PCDH7: variants seen among roughly 807,000 people sequenced by gnomAD.
PCDH7 encodes the protein protocadherin 7, also known as protocadherin-7.
In PCDH7, 17 loss-of-function variants were observed where a neutral mutation model predicts 58.9. The observed-to-expected ratio is 0.29, with a 90% CI of 0.20 to 0.43. The LOEUF (loss-of-function observed/expected upper bound fraction) is 0.43, where lower values mean the gene tolerates loss of function less well. PCDH7 is among the 20% of genes least tolerant of loss of function. The probability of loss-of-function intolerance (pLI) is 1.00; values close to 1 mark genes in which losing one functional copy is unlikely to be tolerated. For synonymous variants in PCDH7, 664 were observed against 616.4 expected (o/e 1.08, Z -1.14); for missense variants, 1,274 against 1,441.0 (o/e 0.88, Z 1.88).
intron 1 of PCDH7, among the ~76,000 whole-genome samples, chr4:30,768,482 G>A (rs1255925190): frequency 6.6e-6 from 1 of 152,176 alleles, no homozygotes; most frequent in Non-Finnish European, 1.5e-5. Context: ...ATTTGCAAAG[G>A]AGATATGAAC....
intron 3 of PCDH7, among the ~76,000 whole-genome samples, chr4:31,094,012 C>G (rs945426759): frequency 5.9e-5 from 9 of 152,102 alleles, no homozygotes; most frequent in African/African-American, 2.2e-4. Flanking sequence ...GCATTCAAGG[C>G]TCTATCACTG....
At position 30,964,222 on chromosome 4, in the gene PCDH7, TTTTA is replaced by T. The variant is rs971800057; in HGVS notation, c.*7+14035_*7+14038del. Among the ~76,000 whole-genome samples the T allele has an allele frequency of 9.6e-5, 13 of 134,808 alleles. No homozygotes were observed. In the Admixed American group the frequency reaches 1.0e-3, roughly 11 times the overall value. 88.4% of individuals were successfully genotyped at this position (134,808 alleles called of 152,430 possible). A position where few individuals can be genotyped will look rare whatever the true frequency, so the allele number is the denominator to read the frequency against. On this transcript the variant is annotated intron_variant, in intron 3 of 3. Coordinates refer to the PCDH7 transcript ENST00000509759. Reference sequence around the variant, plus strand: ...TATTAAGCTTCCTCAGCAGTAGTAGTTTTATTTATTTATTTATTTATTTATTTAT... The same window carrying T: ...TATTAAGCTTCCTCAGCAGTAGTAGTTTTATTTATTTATTTATTTATTTAT...
chr4:30,747,960 C>T (rs1291815998), intron 1 of PCDH7, among the ~76,000 whole-genome samples: 1 of 152,144 alleles, frequency 6.6e-6, no homozygotes, highest in Non-Finnish European at 1.5e-5. Context: ...ATTACTTGCA[C>T]TGTATCTTGC....
At chr4:31,094,621 G>A (rs2109289930) in intron 3 of PCDH7, among the ~76,000 whole-genome samples, 1 of 152,254 alleles carries the variant, frequency 6.6e-6, no homozygotes, top group South Asian at 2.1e-4. Context: ...GGGACTGGGA[G>A]CAGTTTCATA....
intron 1 of PCDH7, among the ~76,000 whole-genome samples, chr4:30,884,104 A>C (rs1183520059): frequency 6.6e-6 from 1 of 152,152 alleles, no homozygotes; most frequent in Non-Finnish European, 1.5e-5. Context: ...TTCAGAACAA[A>C]TTCTAAATAC....
chr4:30,976,485 C>T (rs1318924961), intron 3 of PCDH7, among the ~76,000 whole-genome samples: 1 of 151,462 alleles, frequency 6.6e-6, no homozygotes, highest in Admixed American at 6.6e-5. Context: ...ACTGAAACCC[C>T]TGCCTCTGGG....
intron 3 of PCDH7, among the ~76,000 whole-genome samples, chr4:30,985,446 A>G (rs904286720): frequency 6.6e-6 from 1 of 152,184 alleles, no homozygotes; most frequent in African/African-American, 2.4e-5. Context: ...GAGATACTTT[A>G]ACATCTAGTA....
chr4:31,141,338 A>T (rs1720228309), intron 3 of PCDH7, among the ~76,000 whole-genome samples: 1 of 152,320 alleles, frequency 6.6e-6, no homozygotes, highest in South Asian at 2.1e-4. Context: ...ATAAAATGAT[A>T]CCATGTGATA....
At chr4:31,082,189 T>C (rs1054166327) in intron 3 of PCDH7, among the ~76,000 whole-genome samples, 4 of 152,188 alleles carry the variant, frequency 2.6e-5, no homozygotes, top group African/African-American at 9.6e-5. Flanking sequence ...GCCTAGACTA[T>C]AGATACAAGT....
At chr4:30,777,993 A>T (rs959240786) in intron 1 of PCDH7, among the ~76,000 whole-genome samples, 6 of 152,162 alleles carry the variant, frequency 3.9e-5, no homozygotes, top group African/African-American at 1.2e-4. Context: ...TTTGAGCCAT[A>T]ATATGATCTA....
In PCDH7 at chr4:30,995,103, A is replaced by G. The variant is rs189841981; in HGVS notation, c.*7+44888A>G. On this transcript the variant is annotated intron_variant, in intron 3 of 3. Coordinates refer to the PCDH7 transcript ENST00000509759. ...ATTAATATCATTTTAAATTTTTTAA[A>G]CATGGCTTAAAGGGCATTTTAAATT... is the stretch of plus-strand genomic sequence containing the variant. 3.3e-5 allele frequency among the ~76,000 whole-genome samples: 5 copies of G among 152,366 alleles called. No homozygotes were observed. The East Asian group carries it at 9.6e-4, about 29-fold the overall frequency.
intron 3 of PCDH7, among the ~76,000 whole-genome samples, chr4:30,975,405 G>A (rs1578464889): frequency 1.3e-5 from 2 of 151,882 alleles, no homozygotes; most frequent in East Asian, 3.9e-4. Flanking sequence ...TATAATACAG[G>A]CCCTTCCTTC....
At chr4:31,081,747 C>G (rs2109269836) in intron 3 of PCDH7, among the ~76,000 whole-genome samples, 1 of 151,356 alleles carries the variant, frequency 6.6e-6, no homozygotes, top group East Asian at 1.9e-4. Flanking sequence ...ATAATACAAA[C>G]TTCTTTAAAG....
chr4:30,912,104 G>A (rs73812674), intron 1 of PCDH7, among the ~76,000 whole-genome samples: 2 of 152,116 alleles, frequency 1.3e-5, no homozygotes, highest in Admixed American at 6.6e-5. Flanking sequence ...GTCTCAACAT[G>A]TTTCTTGTTA....
chr4:30,871,132 G>T (rs1306755757), intron 1 of PCDH7, among the ~76,000 whole-genome samples: 2 of 152,032 alleles, frequency 1.3e-5, no homozygotes, highest in Non-Finnish European at 2.9e-5. Context: ...GACACCTACA[G>T]GGACTTCAAG....
At chr4:30,907,344 TG>T (rs1485525437) in intron 1 of PCDH7, among the ~76,000 whole-genome samples, 1 of 152,138 alleles carries the variant, frequency 6.6e-6, no homozygotes, top group African/African-American at 2.4e-5. Context: ...AGAAAATTTT[TG>T]CAATCTACCC....
intron 3 of PCDH7, among the ~76,000 whole-genome samples, chr4:31,048,312 T>C (rs1242195874): frequency 6.6e-6 from 1 of 152,110 alleles, no homozygotes; most frequent in Non-Finnish European, 1.5e-5. Flanking sequence ...GGTATACATC[T>C]ATCAAGTCCA....
At chr4:31,141,832 G>T (rs1470180303) in intron 3 of PCDH7, among the ~76,000 whole-genome samples, 3 of 152,034 alleles carry the variant, frequency 2.0e-5, no homozygotes, top group African/African-American at 7.2e-5. Flanking sequence ...GGGGTGAGGG[G>T]ATGTGGGCTA....
intron 1 of PCDH7, among the ~76,000 whole-genome samples, chr4:30,729,469 A>T (rs1715157808): frequency 6.6e-6 from 1 of 152,000 alleles, no homozygotes; most frequent in South Asian, 2.1e-4. Flanking sequence ...GTAGGATTGT[A>T]ATTGATAACA....
Sources: allele counts gnomAD v4.1 joint callset (sites outside exome capture counted in the v4.1 genomes callset), GRCh38; gene constraint gnomAD v4.1.1; transcripts MANE v1.5; gene names NCBI Gene and HGNC (gene_info 2026-07-23, HGNC 2026-07-21).